The following FRMD4B variants were observed in gnomAD, a reference collection of about 807,000 sequenced individuals.
FRMD4B encodes the protein FERM domain containing 4B.
Under a neutral mutation model 141.5 loss-of-function variants are expected in FRMD4B, and 74 were observed. The observed-to-expected ratio is 0.52, with a 90% CI of 0.43 to 0.63. The LOEUF (loss-of-function observed/expected upper bound fraction) is 0.63. Ranked by LOEUF, FRMD4B falls within the 30% of genes least tolerant of loss-of-function variation. FRMD4B has a pLI of 0.00. For missense variants in FRMD4B, 1,366 were observed against 1,253.4 expected, an observed-to-expected ratio of 1.09 and a Z score of -1.36; for synonymous variants, 506 against 467.9, an observed-to-expected ratio of 1.08 and a Z score of -1.05.
intron 11 of FRMD4B, chr3:69,200,246 G>A (rs568982031): frequency 5.3e-6 from 1 of 187,874 alleles, no homozygotes; most frequent in Non-Finnish European, 9.9e-6. Context: ...CCCCAATTCC[G>A]AACAGTGAAA....
chr3:69,433,203 A>C (rs377071510), intron 1 of FRMD4B: 1 of 152,230 alleles, frequency 6.6e-6, no homozygotes, highest in East Asian at 1.9e-4. Flanking sequence ...TTTTTTTAAC[A>C]GATGTCAGTG....
At chr3:69,457,483 TC>T (rs1376945781) in intron 1 of FRMD4B, among the ~76,000 whole-genome samples, 11 of 152,286 alleles carry the variant, frequency 7.2e-5, no homozygotes, top group African/African-American at 2.4e-4. Context: ...TTTCTACCAG[TC>T]TTTGAACATC....
At chr3:69,300,100 C>G (rs531391183) in intron 4 of FRMD4B, among the ~76,000 whole-genome samples, 1 of 152,310 alleles carries the variant, frequency 6.6e-6, no homozygotes, top group East Asian at 1.9e-4. Context: ...TAGAGACCCT[C>G]TGAGGAGCAA....
intron 5 of FRMD4B, among the ~76,000 whole-genome samples, chr3:69,265,606 C>T (rs538651686): frequency 5.9e-5 from 9 of 151,408 alleles, no homozygotes; most frequent in African/African-American, 2.2e-4. Context: ...CACCACCAAG[C>T]CCGGCTAATT....
intron 1 of FRMD4B, among the ~76,000 whole-genome samples, chr3:69,472,938 C>CTTTTTTTTTTT (rs71618285): frequency 9.2e-6 from 1 of 108,332 alleles, no homozygotes; most frequent in South Asian, 3.2e-4. Flanking sequence ...TTTTTTTTTT[C>CTTTTTTTTTTT]TTTTTTTTTT....
At chr3:69,217,199 G>A (rs1264719642) in intron 10 of FRMD4B, among the ~76,000 whole-genome samples, 2 of 152,222 alleles carry the variant, frequency 1.3e-5, no homozygotes, top group South Asian at 2.1e-4. Flanking sequence ...ATACGGGGAG[G>A]TGAGTAATAT....
chr3:69,201,685 T>C (rs1203319363), intron 11 of FRMD4B, among the ~76,000 whole-genome samples: 2 of 152,324 alleles, frequency 1.3e-5, no homozygotes, highest in Middle Eastern at 3.4e-3. Flanking sequence ...TACTGTGTTT[T>C]TTATTTCTGG....
chr3:69,506,876 A>G (rs1035705302), intron 1 of FRMD4B, among the ~76,000 whole-genome samples: 3 of 152,190 alleles, frequency 2.0e-5, no homozygotes, highest in African/African-American at 7.2e-5. Context: ...TCAGCTGGAG[A>G]CAGTGCACAC....
intron 1 of FRMD4B, among the ~76,000 whole-genome samples, chr3:69,377,983 T>TC (rs2106665998): frequency 6.6e-6 from 1 of 150,640 alleles, no homozygotes; most frequent in East Asian, 2.0e-4. Context: ...GCTAATTTTT[T>TC]TTTTTTTTTG....
chr3:69,267,593 GTGTATA>G (rs1318339425), intron 5 of FRMD4B, among the ~76,000 whole-genome samples: 41 of 97,934 alleles, frequency 4.2e-4, no homozygotes, highest in African/African-American at 1.7e-3. Context: ...GTGTGTGTGT[GTGTATA>G]TATATATATA....
At position 69,279,422 on chromosome 3, in the gene FRMD4B, T is replaced by C. The variant is rs542598694; in HGVS notation, c.501+8330A>G. 3.3e-5 allele frequency among the ~76,000 whole-genome samples: 5 copies of C among 152,312 alleles called. No individual in the cohort carries two copies. The East Asian group carries it at 7.7e-4, about 24-fold the overall frequency. On this transcript the variant is annotated intron_variant, in intron 5 of 22. Coordinates refer to ENST00000398540, the MANE Select transcript of FRMD4B (RefSeq NM_015123.3). ...TTGCTGTGGGTGTTAAATGAGCTAA[T>C]AACACACACAAAAATCAGTGCTTTC...
chr3:69,263,232 G>T lies in FRMD4B; in HGVS notation c.502-13133C>A, dbSNP rs191505726. Among the ~76,000 whole-genome samples, 443 of 152,110 alleles carry T rather than the reference G, an allele frequency of 2.9e-3. 1 individual carries two copies. The highest frequency in any genetic ancestry group is 0.01 in the African/African-American group (432 of 41,486). On this transcript the variant is annotated intron_variant, in intron 5 of 22. Coordinates refer to ENST00000398540, the MANE Select transcript of FRMD4B (RefSeq NM_015123.3). Reference sequence around the variant, plus strand: ...AGTTTGTGCCACTGCACTCCAACCTGGGTGACAGAGCAAGACTCCGTCTCA... The same window carrying T: ...AGTTTGTGCCACTGCACTCCAACCTTGGTGACAGAGCAAGACTCCGTCTCA...
In FRMD4B at chr3:69,171,378, A is replaced by G. The variant is rs1157484656; in HGVS notation, c.*483T>C. On this transcript the variant is annotated 3_prime_UTR_variant, in exon 23 of 23. Coordinates refer to ENST00000398540, the MANE Select transcript of FRMD4B (RefSeq NM_015123.3). ...TTGTCCATGTCTGTGTAGAAAGAGC[A>G]TGTTACTCTTTGTCAGCTCACGAAT... 6.5e-6 allele frequency: 1 copy of G among 154,598 alleles called. No individual in the cohort carries two copies. Among genetic ancestry groups the G allele is most frequent in the Non-Finnish European group, 1.4e-5 (1 of 69,758 alleles). The allele number at this position is 154,598 out of a possible 1,614,324, so 9.6% of individuals were successfully genotyped here.
intron 21 of FRMD4B, among the ~76,000 whole-genome samples, chr3:69,178,679 G>T: frequency 7.9e-6 from 1 of 126,990 alleles, no homozygotes; most frequent in African/African-American, 2.9e-5. Flanking sequence ...CTTTAAAAAA[G>T]AAAAAAAAAA....
At chr3:69,244,465 T>C (rs531644709) in intron 7 of FRMD4B, among the ~76,000 whole-genome samples, 5 of 152,310 alleles carry the variant, frequency 3.3e-5, no homozygotes, top group African/African-American at 1.2e-4. Flanking sequence ...TTTTGGTCAA[T>C]GTTTGTTTGT....
chr3:69,411,575 A>AT (rs1188510156), intron 2 of FRMD4B, among the ~76,000 whole-genome samples: 12 of 152,200 alleles, frequency 7.9e-5, no homozygotes, highest in Admixed American at 4.6e-4. Flanking sequence ...GGAATCAGAA[A>AT]TGTTCTGTCT....
chr3:69,480,983 C>A (rs935961854), intron 1 of FRMD4B, among the ~76,000 whole-genome samples: 1 of 152,154 alleles, frequency 6.6e-6, no homozygotes, highest in African/African-American at 2.4e-5. Context: ...TAGCAATCAG[C>A]GAGACTCCGT....
At position 69,182,687 on chromosome 3, in the gene FRMD4B, G is replaced by A. The variant is rs765525578; in HGVS notation, c.1950C>T (p.Tyr650=). ...REMLSTHSSP[Y]KTLERRPQGG... The stretch of plus-strand genomic sequence containing the variant: ...CCTGGGGCCGCCTCTCCAGAGTTTT[G>A]TAAGGGCTGCTGTGTGTGGACAGCA... The change falls in exon 20 of 23, where the codon TAC becomes TAT. Residue 650 remains tyrosine, a synonymous_variant. Transcript: ENST00000398540. 6.2e-7 allele frequency: 1 copy of A among 1,613,360 alleles called. No individual in the cohort carries two copies. Among genetic ancestry groups the A allele is most frequent in the Non-Finnish European group, 8.5e-7 (1 of 1,179,488 alleles).
chr3:69,181,442 T>G lies in FRMD4B; in HGVS notation c.2308A>C (p.Asn770His), dbSNP rs778226205. Residue 770 changes from asparagine (N) to histidine (H), a missense_variant, in exon 21 of 23, where the codon AAT becomes CAT. Transcript: ENST00000398540. The stretch of plus-strand genomic sequence containing the variant: ...CTTCCTGAATTTGAAGTAGAAACAT[T>G]CTGTTTCTTTGACCTCCTCCGACCC... The part of the protein sequence containing the change: ...TRGRRRSKKQ[N>H]VSTSNSGSMP... The G allele has an allele frequency of 6.2e-7, 1 of 1,613,784 alleles. No homozygotes were observed. The highest frequency in any genetic ancestry group is 1.1e-5 in the South Asian group (1 of 91,070).
Sources: allele counts gnomAD v4.1 joint callset (sites outside exome capture counted in the v4.1 genomes callset), GRCh38; gene constraint gnomAD v4.1.1; transcripts MANE v1.5; gene names NCBI Gene and HGNC (gene_info 2026-07-23, HGNC 2026-07-21).